Variants in NAA40 observed in about 807,000 individuals in gnomAD.
NAA40 encodes the protein N-alpha-acetyltransferase 40, NatD catalytic subunit.
In NAA40, 26 loss-of-function variants were observed where a neutral mutation model predicts 36.6. That is an observed-to-expected ratio of 0.71 (90% confidence interval 0.52 to 0.98). NAA40 has a LOEUF of 0.98. Ranked by LOEUF, NAA40 falls within the 50% of genes least tolerant of loss-of-function variation. NAA40 has a pLI of 0.00. For missense variants in NAA40, 237 were observed against 306.5 expected (o/e 0.77, Z 1.69); for synonymous variants, 129 against 108.4 (o/e 1.19, Z -1.18).
intron 1 of NAA40, 52 bp downstream of exon 1, chr11:63,939,154 C>A (rs1336426209): frequency 2.6e-6 from 4 of 1,558,404 alleles, no homozygotes; most frequent in Admixed American, 1.8e-5. Flanking sequence ...TCCTCGCTAC[C>A]CTCGCCCCCT....
rs1942333044 is a variant in NAA40, at chr11:63,954,502, C to T, written c.*23C>T. ...TGAACTCTCAGAGCCACTTTCAAGT[C>T]ACAATGCTCTCTCCTAAGGCCTTTC... On this transcript the variant is annotated 3_prime_UTR_variant, in exon 8 of 8. Coordinates refer to ENST00000377793, the MANE Select transcript of NAA40 (RefSeq NM_024771.4). The T allele has an allele frequency of 6.3e-7, 1 of 1,580,238 alleles. No homozygotes were observed. The highest frequency in any genetic ancestry group is 8.6e-7 in the Non-Finnish European group (1 of 1,164,666).
At chr11:63,953,259 G>A (rs1332449922) in intron 6 of NAA40, among the ~76,000 whole-genome samples, 1 of 152,076 alleles carries the variant, frequency 6.6e-6, no homozygotes, top group African/African-American at 2.4e-5. Context: ...TGTTAAGGCT[G>A]GTCTCGAACT....
At chr11:63,954,228 C>A in intron 7 of NAA40, 110 bp from the exon 8 acceptor site, 1 of 1,445,600 alleles carries the variant, frequency 6.9e-7, no homozygotes. Context: ...CCACCTCCTG[C>A]ACCCTCATCC....
intron 7 of NAA40, 96 bp from the exon 8 acceptor site, chr11:63,954,242 G>A: frequency 6.7e-7 from 1 of 1,490,712 alleles, no homozygotes; most frequent in Non-Finnish European, 9.0e-7. Flanking sequence ...CTCATCCTAA[G>A]GGTCTCATCA....
Position 63,952,755 on chromosome 11 carries a change from G to A in NAA40, c.411-1G>A. The A allele has an allele frequency of 6.2e-7, 1 of 1,614,096 alleles. No individual in the cohort carries two copies. Among genetic ancestry groups the A allele is most frequent in the Non-Finnish European group, 8.5e-7 (1 of 1,180,008 alleles). ...CTCACCTCTCTGCTTTCTTCACCTA[G>A]CTATGAAGTGCAGTTGGAAAGCAAG... is the stretch of plus-strand genomic sequence containing the variant. On this transcript the variant is annotated splice_acceptor_variant, in intron 5 of 7. Transcript: ENST00000377793. LOFTEE classifies it high-confidence loss of function.
At chr11:63,939,212 A>ACGTGACC (rs1942066228) in intron 1 of NAA40, 110 bp downstream of exon 1, 12 of 1,081,242 alleles carry the variant, frequency 1.1e-5, no homozygotes, top group Non-Finnish European at 2.3e-6. Flanking sequence ...CTCCAGCCTC[A>ACGTGACC]CGTGACCCCT....
intron 3 of NAA40, among the ~76,000 whole-genome samples, chr11:63,951,764 G>A (rs1942282016): frequency 6.6e-6 from 1 of 152,182 alleles, no homozygotes; most frequent in African/African-American, 2.4e-5. Flanking sequence ...TCACCCAGTG[G>A]TTTTGAAGGC....
chr11:63,948,291 T>A (rs1942221314), intron 3 of NAA40, among the ~76,000 whole-genome samples: 1 of 152,112 alleles, frequency 6.6e-6, no homozygotes, highest in African/African-American at 2.4e-5. Flanking sequence ...GCTTTCTGAG[T>A]TTATGGAGTT....
intron 1 of NAA40, among the ~76,000 whole-genome samples, chr11:63,945,165 G>C (rs935501460): frequency 2.6e-5 from 4 of 152,218 alleles, no homozygotes; most frequent in African/African-American, 7.2e-5. Context: ...CTGCAGCTTC[G>C]TCTTGCTGGC....
At chr11:63,953,558 C>T (rs916289394) in intron 6 of NAA40, among the ~76,000 whole-genome samples, 3 of 152,118 alleles carry the variant, frequency 2.0e-5, no homozygotes, top group Non-Finnish European at 4.4e-5. Context: ...CAGGAACACT[C>T]GTGTGGGTGA....
intron 1 of NAA40, chr11:63,939,551 C>T (rs768398175): frequency 1.6e-5 from 15 of 947,650 alleles, no homozygotes; most frequent in African/African-American, 1.8e-5. Context: ...TTGTCGGGGG[C>T]GTCAGACCCC....
chr11:63,947,526 C>T (rs1380332002), intron 3 of NAA40, among the ~76,000 whole-genome samples: 1 of 152,130 alleles, frequency 6.6e-6, no homozygotes, highest in Non-Finnish European at 1.5e-5. Context: ...TGCACTTAAT[C>T]TCAGACTGAT....
Position 63,946,997 on chromosome 11 carries a change from G to A in NAA40, c.149G>A (p.Arg50Lys), listed in dbSNP as rs1942198551. 8.7e-6 allele frequency: 14 copies of A among 1,613,988 alleles called. No individual in the cohort carries two copies. The highest frequency in any genetic ancestry group is 1.1e-5 in the Non-Finnish European group (13 of 1,179,952). ...EAFPVFKKYD[R>K]NGLNVSIECK... ...TTCCCAGTGTTCAAGAAATATGATA[G>A]AAACGGGTGAGTCACATTGAGCATT... The change falls in exon 3 of 8, where the codon AGA (arginine) becomes AAA (lysine). Residue 50 changes from arginine to lysine, a missense_variant. Coordinates refer to ENST00000377793, the MANE Select transcript of NAA40 (RefSeq NM_024771.4).
In NAA40 at chr11:63,952,344, C is replaced by T; in HGVS notation, c.251+11C>T. 1 of 1,613,588 alleles carries T rather than the reference C, an allele frequency of 6.2e-7. No homozygotes were observed. Among genetic ancestry groups the T allele is most frequent in the South Asian group, 1.1e-5 (1 of 91,054 alleles). ...GAATATGCAAACCATGTAAGCTTGT[C>T]CCAACCAGGGGAGCCTAGTTCCTCT... On this transcript the variant is annotated intron_variant, in intron 4 of 7. Transcript: ENST00000377793.
chr11:63,939,825 C>CG (rs1324533758), intron 1 of NAA40, among the ~76,000 whole-genome samples: 13 of 151,944 alleles, frequency 8.6e-5, no homozygotes, highest in Admixed American at 2.6e-4. Flanking sequence ...GGGGAAGATG[C>CG]GGGGAGGCGG....
At chr11:63,948,488 G>A (rs1339549469) in intron 3 of NAA40, among the ~76,000 whole-genome samples, 1 of 152,184 alleles carries the variant, frequency 6.6e-6, no homozygotes, top group East Asian at 1.9e-4. Flanking sequence ...GGAGGCCGAG[G>A]TGGGCGGATC....
At chr11:63,952,973 C>A (rs542866221) in intron 6 of NAA40, 134 bp downstream of exon 6, 15 of 679,290 alleles carry the variant, frequency 2.2e-5, no homozygotes, top group Non-Finnish European at 3.3e-5. Flanking sequence ...TGTCTTAGAA[C>A]CCTCTCAGTA....
Position 63,939,043 on chromosome 11 carries a change from C to T in NAA40, c.-54C>T. ...CCGCTGTTGCAGCCACCGCCGTTGC[C>T]GCCTCCCTGCCGGCAAGTGTGTGAA... On this transcript the variant is annotated 5_prime_UTR_variant, in exon 1 of 8. Transcript: ENST00000377793. 8 of 1,594,686 alleles carry T rather than the reference C, an allele frequency of 5.0e-6. No homozygotes were observed. The highest frequency in any genetic ancestry group is 1.7e-5 in the Admixed American group (1 of 58,806).
At chr11:63,949,510 G>GT in intron 3 of NAA40, among the ~76,000 whole-genome samples, 1 of 151,882 alleles carries the variant, frequency 6.6e-6, no homozygotes, top group Non-Finnish European at 1.5e-5. Flanking sequence ...GCCCCCTCAC[G>GT]TTTTTTTCTC....
Sources: gnomAD v4.1 joint callset for allele counts (sites outside exome capture counted in the v4.1 genomes callset) on GRCh38, gnomAD v4.1.1 for gene constraint, MANE v1.5 for transcripts, NCBI Gene and HGNC (gene_info 2026-07-23, HGNC 2026-07-21) for gene names.